TMEM117: variants seen among roughly 807,000 people sequenced by gnomAD.
TMEM117 encodes the protein transmembrane protein 117.
Under a neutral mutation model 52.4 loss-of-function variants are expected in TMEM117, and 27 were observed. The ratio of observed to expected loss-of-function variants is 0.51; its 90% confidence interval spans 0.38 to 0.71. The LOEUF (loss-of-function observed/expected upper bound fraction) is 0.71. Ranked by LOEUF, TMEM117 falls within the 30% of genes least tolerant of loss-of-function variation. TMEM117 has a pLI of 0.00. For missense variants in TMEM117, 556 were observed against 630.5 expected (o/e 0.88, Z 1.26); for synonymous variants, 215 against 206.3 (o/e 1.04, Z -0.36).
At chr12:43,988,266 C>T (rs1404024625) in intron 3 of TMEM117, among the ~76,000 whole-genome samples, 1 of 149,440 alleles carries the variant, frequency 6.7e-6, no homozygotes, top group Non-Finnish European at 1.5e-5. Flanking sequence ...TATTAGATGC[C>T]TGGCAGCATC....
At chr12:43,842,762 T>A (rs1488149544) in intron 1 of TMEM117, among the ~76,000 whole-genome samples, 1 of 152,116 alleles carries the variant, frequency 6.6e-6, no homozygotes, top group Non-Finnish European at 1.5e-5. Flanking sequence ...ACACACAATT[T>A]TTTTTTATGC....
chr12:44,320,241 T>C (rs947794942), intron 6 of TMEM117, among the ~76,000 whole-genome samples: 1 of 152,204 alleles, frequency 6.6e-6, no homozygotes, highest in Non-Finnish European at 1.5e-5. Flanking sequence ...ATCATGCCTA[T>C]ATATTCTTCT....
rs542042886 is a variant in TMEM117 at position 43,866,339 on chromosome 12, C to G, written c.277+21411C>G. 6.0e-5 allele frequency among the ~76,000 whole-genome samples: 9 copies of G among 150,764 alleles called. No homozygotes were observed. In the South Asian group the frequency reaches 1.3e-3, roughly 21 times the overall value. ...AATGAAGGTAAAATAAAGACACTTT[C>G]AGGCAGGAGGATTGCTTGAGCCAAG... On this transcript the variant is annotated intron_variant, in intron 2 of 7. Transcript: ENST00000266534.
chr12:43,866,038 A>G (rs1372139182), intron 2 of TMEM117, among the ~76,000 whole-genome samples: 15 of 151,918 alleles, frequency 9.9e-5, no homozygotes, highest in African/African-American at 2.4e-5. Flanking sequence ...AGAAGCTGGC[A>G]TTAGCAAAGA....
At chr12:44,343,297 C>A (rs1951441997) in intron 6 of TMEM117, among the ~76,000 whole-genome samples, 1 of 151,922 alleles carries the variant, frequency 6.6e-6, no homozygotes, top group East Asian at 1.9e-4. Context: ...AGAATATTTC[C>A]AACCCAGGGA....
intron 3 of TMEM117, among the ~76,000 whole-genome samples, chr12:44,067,101 T>TA (rs200603758): frequency 0.053 from 8,028 of 152,270 alleles, 270 homozygotes; most frequent in South Asian, 0.084. Context: ...CATCATCTGT[T>TA]AGTTTTATCA....
chr12:43,915,176 T>C (rs1944580583), intron 2 of TMEM117, among the ~76,000 whole-genome samples: 2 of 152,174 alleles, frequency 1.3e-5, no homozygotes, highest in South Asian at 4.1e-4. Context: ...GTCTTACCTA[T>C]ACCCCTTGGA....
At chr12:44,239,646 A>G (rs971855589) in intron 5 of TMEM117, among the ~76,000 whole-genome samples, 3 of 152,118 alleles carry the variant, frequency 2.0e-5, no homozygotes, top group South Asian at 2.1e-4. Context: ...GAAGTATACA[A>G]TGGAAATTAG....
chr12:43,884,190 C>G (rs1283728676), intron 2 of TMEM117, among the ~76,000 whole-genome samples: 1 of 150,950 alleles, frequency 6.6e-6, no homozygotes, highest in Non-Finnish European at 1.5e-5. Context: ...GTGAAAGGAG[C>G]CAAAATTTAC....
intron 2 of TMEM117, among the ~76,000 whole-genome samples, chr12:43,907,534 G>A (rs369823319): frequency 3.9e-4 from 58 of 149,702 alleles, no homozygotes; most frequent in African/African-American, 1.1e-3. Context: ...GGCTTCAGAC[G>A]ATCAAATTAC....
rs540452148 is a variant in TMEM117 at position 44,347,628 on chromosome 12, A to G, written c.769-28967A>G. Among the ~76,000 whole-genome samples the G allele has an allele frequency of 1.4e-4, 21 of 152,110 alleles. No individual in the cohort carries two copies. The East Asian group carries it at 4.1e-3, about 30-fold the overall frequency. ...GTTCCCCCAATAATTTAAGATGGTA[A>G]CAATCTTCAGTGCAGCTGTCCCTTC... On this transcript the variant is annotated intron_variant, in intron 6 of 7. Coordinates refer to ENST00000266534, the MANE Select transcript of TMEM117 (RefSeq NM_032256.3).
At chr12:43,860,369 C>T (rs1177712937) in intron 2 of TMEM117, among the ~76,000 whole-genome samples, 1 of 152,166 alleles carries the variant, frequency 6.6e-6, no homozygotes, top group East Asian at 1.9e-4. Context: ...GCATTGAACC[C>T]AACAAGGTCC....
At chr12:44,115,483 G>A (rs895793608) in intron 3 of TMEM117, among the ~76,000 whole-genome samples, 1 of 151,720 alleles carries the variant, frequency 6.6e-6, no homozygotes, top group African/African-American at 2.4e-5. Flanking sequence ...TGCCATTCCT[G>A]ATCAACTCTG....
chr12:44,124,000 C>T (rs1218614615), intron 3 of TMEM117, among the ~76,000 whole-genome samples: 4 of 151,880 alleles, frequency 2.6e-5, no homozygotes, highest in African/African-American at 9.7e-5. Flanking sequence ...GGCAGTATGG[C>T]CATTTTAACA....
At chr12:43,837,265 A>G (rs1031483360) in intron 1 of TMEM117, among the ~76,000 whole-genome samples, 4 of 152,140 alleles carry the variant, frequency 2.6e-5, no homozygotes, top group African/African-American at 9.7e-5. Flanking sequence ...TTTCACATGA[A>G]TTCTATTTAA....
In TMEM117 at chr12:43,904,242, G is replaced by A. The variant is rs576753203; in HGVS notation, c.278-39968G>A. Reference sequence around the variant, plus strand: ...ACAACCTTTTAGGCCAGACACGGTGGCTCATGCCTGTAATCCCAGAACTTT... The same window carrying A: ...ACAACCTTTTAGGCCAGACACGGTGACTCATGCCTGTAATCCCAGAACTTT... On this transcript the variant is annotated intron_variant, in intron 2 of 7. Coordinates refer to ENST00000266534, the MANE Select transcript of TMEM117 (RefSeq NM_032256.3). Among the ~76,000 whole-genome samples, 9 of 152,174 alleles carry A rather than the reference G, an allele frequency of 5.9e-5. No homozygotes were observed. In the East Asian group the frequency reaches 1.7e-3, roughly 29 times the overall value.
chr12:44,148,029 G>A (rs1344291351), intron 4 of TMEM117, among the ~76,000 whole-genome samples: 1 of 152,120 alleles, frequency 6.6e-6, no homozygotes, highest in African/African-American at 2.4e-5. Flanking sequence ...TATACTGTGT[G>A]TATCAACTTC....
rs555259926 is a variant in TMEM117 at position 44,108,283 on chromosome 12, C to T, written c.411-35242C>T. Among the ~76,000 whole-genome samples, 1,124 of 145,618 alleles carry T rather than the reference C, an allele frequency of 7.7e-3. 14 individuals carry two copies. The highest frequency in any genetic ancestry group is 0.027 in the African/African-American group (1,068 of 39,050). On this transcript the variant is annotated intron_variant, in intron 3 of 7. Transcript: ENST00000266534. ...GGTTAGTTACATATGTATACATGTG[C>T]CATGCTGGTGCGCTGCACCCACTAA...
intron 5 of TMEM117, among the ~76,000 whole-genome samples, chr12:44,234,738 T>C (rs1949973861): frequency 6.6e-6 from 1 of 151,560 alleles, no homozygotes; most frequent in South Asian, 2.1e-4. Flanking sequence ...AGTATTACTT[T>C]AGTTACATAT....
Sources: allele counts gnomAD v4.1 joint callset (sites outside exome capture counted in the v4.1 genomes callset), GRCh38; gene constraint gnomAD v4.1.1; transcripts MANE v1.5; gene names NCBI Gene and HGNC (gene_info 2026-07-23, HGNC 2026-07-21).